PCDH15: variants seen among roughly 807,000 people sequenced by gnomAD.
The protein encoded by PCDH15 is protocadherin-15.
In PCDH15, 129 loss-of-function variants were observed where a neutral mutation model predicts 178.5. That is an observed-to-expected ratio of 0.72 (90% CI 0.63 to 0.84). The LOEUF (loss-of-function observed/expected upper bound fraction) is 0.84. PCDH15 is among the 40% of genes least tolerant of loss of function. The pLI, the probability that PCDH15 is intolerant of heterozygous loss-of-function variation, is 0.00. For synonymous variants in PCDH15, 800 were observed against 732.0 expected (o/e 1.09, Z -1.50); for missense variants, 2,230 against 2,099.9 (o/e 1.06, Z -1.21).
At chr10:54,528,294 A>G in intron 2 of PCDH15, 1 of 1,223,328 alleles carries the variant, frequency 8.2e-7, no homozygotes. Flanking sequence ...AGAGAGAGTG[A>G]ATAGAATTTT....
In PCDH15 at chr10:54,767,061, G is replaced by C. The variant is rs1347753379; in HGVS notation, c.-29+33864C>G. Among the ~76,000 whole-genome samples the C allele has an allele frequency of 2.6e-5, 4 of 152,180 alleles. No individual in the cohort carries two copies. In the East Asian group the frequency reaches 7.7e-4, roughly 29 times the overall value. On this transcript the variant is annotated intron_variant, in intron 1 of 37. Coordinates refer to ENST00000644397, the MANE Select transcript of PCDH15 (RefSeq NM_001384140.1). ...GCTATATTTTAACATTATAGACTTA[G>C]TAGGGTTGTTACTTAAACAGAATAC...
At chr10:54,276,006 G>A (rs75532114) in intron 8 of PCDH15, among the ~76,000 whole-genome samples, 1,572 of 151,578 alleles carry the variant, frequency 0.01, 28 homozygotes, top group African/African-American at 0.036. Context: ...AATTCCAGGT[G>A]GACTTAAAAA....
chr10:55,481,668 T>A (rs1247173777), intron 2 of PCDH15, among the ~76,000 whole-genome samples: 1 of 151,866 alleles, frequency 6.6e-6, no homozygotes, highest in African/African-American at 2.4e-5. Context: ...TAGACTTGAG[T>A]TTTAATATGA....
chr10:54,813,761 T>C (rs971444635), intron 3 of PCDH15, among the ~76,000 whole-genome samples: 1 of 152,212 alleles, frequency 6.6e-6, no homozygotes, highest in Non-Finnish European at 1.5e-5. Context: ...GAATGACATG[T>C]GAAAAAGATT....
intron 23 of PCDH15, among the ~76,000 whole-genome samples, chr10:53,947,527 G>A (rs757251561): frequency 2.0e-4 from 31 of 151,376 alleles, no homozygotes; most frequent in Non-Finnish European, 3.2e-4. Context: ...ACTATGAGAG[G>A]ATTTAATAAA....
At chr10:55,489,937 C>G (rs1259449342) in intron 2 of PCDH15, among the ~76,000 whole-genome samples, 1 of 151,524 alleles carries the variant, frequency 6.6e-6, no homozygotes, top group Non-Finnish European at 1.5e-5. Flanking sequence ...TAAAAATAAA[C>G]TAAAAGTTTA....
At chr10:54,253,061 A>G (rs1415669978) in intron 8 of PCDH15, among the ~76,000 whole-genome samples, 6 of 152,096 alleles carry the variant, frequency 3.9e-5, no homozygotes, top group Admixed American at 3.9e-4. Flanking sequence ...GCTGGGAGAT[A>G]GGAAAATCCA....
intron 2 of PCDH15, among the ~76,000 whole-genome samples, chr10:55,523,120 T>G (rs1223786951): frequency 6.6e-6 from 1 of 151,504 alleles, no homozygotes; most frequent in Non-Finnish European, 1.5e-5. Flanking sequence ...GATCCTTTTT[T>G]GGGATCCATT....
At chr10:55,265,210 T>C (rs973182392) in intron 1 of PCDH15, among the ~76,000 whole-genome samples, 6 of 151,776 alleles carry the variant, frequency 4.0e-5, no homozygotes, top group Non-Finnish European at 8.8e-5. Context: ...CTTCTCCCAA[T>C]AGTACTTAAA....
chr10:54,758,077 T>A (rs1053678045), intron 1 of PCDH15, among the ~76,000 whole-genome samples: 2 of 152,194 alleles, frequency 1.3e-5, no homozygotes, highest in African/African-American at 4.8e-5. Flanking sequence ...AAAACATGAA[T>A]ATGCTTTTGG....
chr10:53,995,485 T>C, intron 21 of PCDH15, 164 bp downstream of exon 21: 3 of 1,270,454 alleles, frequency 2.4e-6, no homozygotes, highest in Non-Finnish European at 3.3e-6. Context: ...ATCTGAAATA[T>C]GCTCTGTACC....
chr10:54,941,439 C>A (rs1364295805), intron 2 of PCDH15, among the ~76,000 whole-genome samples: 1 of 152,018 alleles, frequency 6.6e-6, no homozygotes, highest in African/African-American at 2.4e-5. Flanking sequence ...TGGTTTCTTA[C>A]AATAATTTTT....
chr10:55,277,214 G>A (rs905472623), intron 1 of PCDH15, among the ~76,000 whole-genome samples: 8 of 151,796 alleles, frequency 5.3e-5, no homozygotes, highest in African/African-American at 1.4e-4. Context: ...CTTGATTTCC[G>A]GTTGACCATC....
At chr10:55,528,976 A>G (rs553177921) in intron 2 of PCDH15, among the ~76,000 whole-genome samples, 2 of 152,220 alleles carry the variant, frequency 1.3e-5, no homozygotes, top group East Asian at 1.9e-4. Flanking sequence ...TCTGATGGCT[A>G]GTGATGATGA....
intron 2 of PCDH15, among the ~76,000 whole-genome samples, chr10:54,561,685 C>A (rs2088182809): frequency 6.6e-6 from 1 of 152,040 alleles, no homozygotes; most frequent in African/African-American, 2.4e-5. Context: ...AATTGAAAAA[C>A]ATCACTGTTT....
In PCDH15 at chr10:54,180,162, G is replaced by C. The variant is rs369271538; in HGVS notation, c.1590+3282C>G. 1.3e-3 allele frequency among the ~76,000 whole-genome samples: 198 copies of C among 152,282 alleles called. 1 individual carries two copies. The highest frequency in any genetic ancestry group is 4.6e-3 in the African/African-American group (192 of 41,554). ...TCCGGTTACGGAAGATGATGTTGGTGCTTTAAGGCATCACTCCTCTAAGTG... is the reference window on the plus strand; with the variant it reads ...TCCGGTTACGGAAGATGATGTTGGTCCTTTAAGGCATCACTCCTCTAAGTG... On this transcript the variant is annotated intron_variant, in intron 13 of 37. Transcript: ENST00000644397.
At chr10:54,894,581 A>T (rs1390012100) in intron 3 of PCDH15, among the ~76,000 whole-genome samples, 3 of 152,188 alleles carry the variant, frequency 2.0e-5, no homozygotes, top group African/African-American at 7.2e-5. Context: ...AATATCAGTT[A>T]TTTGACTGTC....
chr10:53,820,258 A>G (rs1047848335), intron 32 of PCDH15, 28 bp from the exon 33 acceptor site: 2 of 397,450 alleles, frequency 5.0e-6, no homozygotes, highest in Admixed American at 4.4e-5. Context: ...AAGAAAGAAA[A>G]AAATCACGTT....
At chr10:55,411,095 G>A (rs1838319986) in intron 2 of PCDH15, among the ~76,000 whole-genome samples, 1 of 152,056 alleles carries the variant, frequency 6.6e-6, no homozygotes, top group South Asian at 2.1e-4. Context: ...AGAAAAACAG[G>A]ATTTCATGTC....
Sources: gnomAD v4.1 joint callset for allele counts (sites outside exome capture counted in the v4.1 genomes callset) on GRCh38, gnomAD v4.1.1 for gene constraint, MANE v1.5 for transcripts, NCBI Gene and HGNC (gene_info 2026-07-23, HGNC 2026-07-21) for gene names.